Variants in CHRDL1 observed in about 807,000 individuals in gnomAD.
CHRDL1 encodes the protein chordin like 1, also known as chordin-like protein 1.
A neutral mutation model predicts 40.9 loss-of-function variants in CHRDL1; 19 were observed. The ratio of observed to expected loss-of-function variants is 0.46; its 90% CI spans 0.32 to 0.68. The LOEUF is 0.68. CHRDL1 is among the 30% of genes least tolerant of loss of function. The pLI is 0.03. For missense variants in CHRDL1, 329 were observed against 352.1 expected, an observed-to-expected ratio of 0.93 and a Z score of 0.53; for synonymous variants, 136 against 123.4, an observed-to-expected ratio of 1.10 and a Z score of -0.68.
intron 4 of CHRDL1, among the ~76,000 whole-genome samples, chrX:110,737,500 C>CA (rs2071282950): frequency 8.9e-6 from 1 of 111,903 alleles, no homozygotes; most frequent in Non-Finnish European, 1.9e-5. Context: ...CTCACACCCA[C>CA]ACTCCAGACC....
At position 110,748,905 on chromosome X, in the gene CHRDL1, T is replaced by C. The variant is rs112768589; in HGVS notation, c.301+10756A>G. 3.7e-3 allele frequency among the ~76,000 whole-genome samples: 411 copies of C among 111,779 alleles called. 3 individuals are homozygous for C. The highest frequency in any genetic ancestry group is 0.013 in the African/African-American group (388 of 30,784). Reference sequence around the variant, plus strand: ...TGGTGGAGATGGTTGTGCAACAGTGTGAATGCACTTAATGTTACTGAACTG... The same window carrying C: ...TGGTGGAGATGGTTGTGCAACAGTGCGAATGCACTTAATGTTACTGAACTG... On this transcript the variant is annotated intron_variant, in intron 4 of 11. Coordinates refer to ENST00000372042, the MANE Select transcript of CHRDL1 (RefSeq NM_001143981.2).
At chrX:110,763,573 ACTCT>A (rs992573780) in intron 2 of CHRDL1, among the ~76,000 whole-genome samples, 1 of 100,806 alleles carries the variant, frequency 9.9e-6, no homozygotes, top group Non-Finnish European at 2.0e-5. Flanking sequence ...ACACATACTG[ACTCT>A]CTGTCTCTGT....
chrX:110,778,266 A>T (rs1293562688), intron 2 of CHRDL1, among the ~76,000 whole-genome samples: 14 of 112,259 alleles, frequency 1.2e-4, no homozygotes. Context: ...AATCTAATCA[A>T]ACTAAAGAGC....
Position 110,682,151 on chromosome X carries a change from C to T in CHRDL1, c.989-502G>A, listed in dbSNP as rs186216842. 8.0e-5 allele frequency among the ~76,000 whole-genome samples: 9 copies of T among 112,244 alleles called. No homozygotes were observed. In the East Asian group the frequency reaches 2.5e-3, roughly 32 times the overall value. ...GTATACTTAGAAAACATTCATGACA[C>T]TCATTTATGTGCATATACTTGCCCA... is the stretch of plus-strand genomic sequence containing the variant. On this transcript the variant is annotated intron_variant, in intron 9 of 11. Transcript: ENST00000372042.
chrX:110,743,511 C>G (rs775210742), intron 4 of CHRDL1, among the ~76,000 whole-genome samples: 15 of 111,757 alleles, frequency 1.3e-4, no homozygotes, highest in Non-Finnish European at 2.8e-4. Context: ...TTTTAGAGCT[C>G]CCTGAGCTAT....
At chrX:110,775,174 A>G (rs756750387) in intron 2 of CHRDL1, among the ~76,000 whole-genome samples, 76 of 111,944 alleles carry the variant, frequency 6.8e-4, no homozygotes, top group Middle Eastern at 4.6e-3. Flanking sequence ...GGTTGGTGAC[A>G]TGAGGAACTT....
chrX:110,776,142 A>G (rs2089848856), intron 2 of CHRDL1, among the ~76,000 whole-genome samples: 1 of 112,273 alleles, frequency 8.9e-6, no homozygotes, highest in Admixed American at 9.5e-5. Context: ...GTCAATTAAG[A>G]AAAAGAAAAA....
chrX:110,681,790 A>T, intron 9 of CHRDL1, 141 bp from the exon 10 acceptor site: 1 of 485,746 alleles, frequency 2.1e-6, no homozygotes, highest in South Asian at 3.8e-5. Context: ...CGAGAGACAG[A>T]AATTCCACCC....
intron 5 of CHRDL1, 102 bp downstream of exon 5, chrX:110,721,283 T>G: frequency 2.5e-6 from 2 of 808,415 alleles, no homozygotes; most frequent in Non-Finnish European, 3.7e-6. Flanking sequence ...TCATGTTTTA[T>G]TCAAACACCT....
chrX:110,707,645 A>C (rs1374908057), intron 6 of CHRDL1, among the ~76,000 whole-genome samples: 2 of 112,125 alleles, frequency 1.8e-5, no homozygotes, highest in Non-Finnish European at 3.8e-5. Context: ...GAATTAACTC[A>C]AGATGGATTA....
chrX:110,794,942 T>C lies in CHRDL1; in HGVS notation c.-35+802A>G, dbSNP rs764890787. On this transcript the variant is annotated intron_variant, in intron 1 of 11. Transcript: ENST00000372042. ...ATCAGCTGAAATCCTCTCCCCACTCTACCACCCAGCAAGAAAAGTTCAGTT... is the reference window on the plus strand; with the variant it reads ...ATCAGCTGAAATCCTCTCCCCACTCCACCACCCAGCAAGAAAAGTTCAGTT... Among the ~76,000 whole-genome samples, 62 of 112,434 alleles carry C rather than the reference T, an allele frequency of 5.5e-4. 1 individual carries two copies. Among genetic ancestry groups the C allele is most frequent in the Non-Finnish European group, 7.5e-5 (4 of 53,246 alleles).
chrX:110,731,436 T>C (rs1343394198), intron 4 of CHRDL1, among the ~76,000 whole-genome samples: 4 of 111,466 alleles, frequency 3.6e-5, no homozygotes, highest in African/African-American at 1.3e-4. Flanking sequence ...TCTAGCAGTC[T>C]CTCAAAAAGT....
chrX:110,770,271 C>A (rs908702142), intron 2 of CHRDL1, among the ~76,000 whole-genome samples: 1 of 111,668 alleles, frequency 9.0e-6, no homozygotes, highest in Non-Finnish European at 1.9e-5. Context: ...TATACATAAT[C>A]CCAGTACAGG....
chrX:110,722,978 C>T (rs1025141252), intron 4 of CHRDL1, among the ~76,000 whole-genome samples: 21 of 111,501 alleles, frequency 1.9e-4, no homozygotes, highest in Non-Finnish European at 3.4e-4. Context: ...GGGCCAGGCG[C>T]GGTGGCTCAT....
intron 4 of CHRDL1, among the ~76,000 whole-genome samples, chrX:110,723,874 G>C (rs1031143247): frequency 1.8e-5 from 2 of 112,441 alleles, no homozygotes; most frequent in Admixed American, 1.9e-4. Context: ...TGACCCTTTA[G>C]AGGATATAAA....
chrX:110,684,220 TGGTCC>T (rs2069959234), intron 9 of CHRDL1, among the ~76,000 whole-genome samples: 2 of 112,370 alleles, frequency 1.8e-5, no homozygotes, highest in South Asian at 7.5e-4. Flanking sequence ...TCTTTAATAT[TGGTCC>T]TAGTTTGTTA....
intron 11 of CHRDL1, among the ~76,000 whole-genome samples, chrX:110,679,065 T>G (rs749769925): frequency 3.6e-5 from 4 of 111,524 alleles, no homozygotes; most frequent in African/African-American, 1.3e-4. Flanking sequence ...TGCTTAGCAG[T>G]TTCATTAAAG....
intron 6 of CHRDL1, among the ~76,000 whole-genome samples, chrX:110,705,219 T>C (rs1261904731): frequency 9.7e-6 from 1 of 103,325 alleles, no homozygotes; most frequent in African/African-American, 3.5e-5. Context: ...GTGTATTTGA[T>C]GAGCATTTGC....
chrX:110,692,338 G>A (rs1256171046), intron 8 of CHRDL1, among the ~76,000 whole-genome samples: 1 of 111,562 alleles, frequency 9.0e-6, no homozygotes, highest in East Asian at 2.8e-4. Context: ...GGAGTTGGGG[G>A]TGGGGACAAG....
Sources: gnomAD v4.1 joint callset for allele counts (sites outside exome capture counted in the v4.1 genomes callset) on GRCh38, gnomAD v4.1.1 for gene constraint, MANE v1.5 for transcripts, NCBI Gene and HGNC (gene_info 2026-07-23, HGNC 2026-07-21) for gene names.